The following ANTXR2 variants were observed in gnomAD, a reference collection of about 807,000 sequenced individuals.
ANTXR2 encodes ANTXR cell adhesion molecule 2.
ANTXR2 carries 44 observed loss-of-function variants against 73.7 expected under a neutral mutation model. That is an observed-to-expected ratio of 0.60 (90% CI 0.47 to 0.77). ANTXR2 has a LOEUF of 0.77. Among genes scored for constraint, ANTXR2 ranks in the 30% least tolerant of loss-of-function variants. The pLI is 0.00. For synonymous variants in ANTXR2, 217 were observed against 205.9 expected (o/e 1.05, Z -0.46); for missense variants, 604 against 592.5 (o/e 1.02, Z -0.20).
intron 7 of ANTXR2, among the ~76,000 whole-genome samples, chr4:80,038,273 CATA>C (rs1165153844): frequency 3.3e-5 from 5 of 152,202 alleles, no homozygotes; most frequent in Admixed American, 1.3e-4. Flanking sequence ...AATCAGATTT[CATA>C]ATATTTAAGA....
intron 7 of ANTXR2, among the ~76,000 whole-genome samples, chr4:80,042,669 A>C (rs1050268502): frequency 6.6e-6 from 1 of 152,096 alleles, no homozygotes; most frequent in African/African-American, 2.4e-5. Flanking sequence ...AATTGATAAT[A>C]TTGTAAACTC....
rs1726908001 is a variant in ANTXR2 at position 79,906,338 on chromosome 4, A to G, written c.*1091T>C. ...TGCGCATACAGTAATAGGTCATTCA[A>G]TGTCAAAAGGCATAAAAAAGATGAG... On this transcript the variant is annotated 3_prime_UTR_variant, in exon 17 of 17. Transcript: ENST00000403729. 2 of 152,690 alleles carry G rather than the reference A, an allele frequency of 1.3e-5. No homozygotes were observed. The highest frequency in any genetic ancestry group is 6.5e-5 in the Admixed American group (1 of 15,278). The allele number at this position is 152,690 out of a possible 1,614,324, so 9.5% of individuals were successfully genotyped here.
At chr4:79,927,927 G>A (rs1480966324) in intron 16 of ANTXR2, among the ~76,000 whole-genome samples, 1 of 152,170 alleles carries the variant, frequency 6.6e-6, no homozygotes, top group Non-Finnish European at 1.5e-5. Flanking sequence ...GTAAAATGGT[G>A]TAGCCATTGT....
intron 7 of ANTXR2, among the ~76,000 whole-genome samples, chr4:80,047,053 A>C (rs963609562): frequency 1.6e-4 from 25 of 151,780 alleles, no homozygotes; most frequent in African/African-American, 5.6e-4. Flanking sequence ...CAACAGGTTA[A>C]TGTTAAGAAA....
Position 79,966,402 on chromosome 4 carries a change from G to A in ANTXR2, c.1428+11219C>T, listed in dbSNP as rs10033596. 4.6e-5 allele frequency among the ~76,000 whole-genome samples: 7 copies of A among 152,106 alleles called. No individual in the cohort carries two copies. The East Asian group carries it at 9.7e-4, about 21-fold the overall frequency. ...AACTAACCACAGTAAGTAGAAGGTAGTGGTGAGCTATGGATGTCTTCTCGT... is the reference window on the plus strand; with the variant it reads ...AACTAACCACAGTAAGTAGAAGGTAATGGTGAGCTATGGATGTCTTCTCGT... On this transcript the variant is annotated intron_variant, in intron 16 of 16. Transcript: ENST00000403729.
At chr4:80,021,504 A>G (rs920734613) in intron 10 of ANTXR2, among the ~76,000 whole-genome samples, 2 of 152,158 alleles carry the variant, frequency 1.3e-5, no homozygotes, top group African/African-American at 4.8e-5. Flanking sequence ...TTACTGATTC[A>G]ACTTTAAGGG....
At chr4:79,997,112 T>C (rs1420741872) in intron 12 of ANTXR2, among the ~76,000 whole-genome samples, 1 of 151,950 alleles carries the variant, frequency 6.6e-6, no homozygotes, top group African/African-American at 2.4e-5. Context: ...TTTGATCTGC[T>C]CATTAACACT....
intron 16 of ANTXR2, among the ~76,000 whole-genome samples, chr4:79,909,546 ACT>A (rs34092592): frequency 0.48 from 72,882 of 151,352 alleles, 17,778 homozygotes; most frequent in Non-Finnish European, 0.52. Context: ...AAGGAAGAAA[ACT>A]CTGCTGATTT....
intron 16 of ANTXR2, among the ~76,000 whole-genome samples, chr4:79,923,855 T>G (rs991389246): frequency 6.6e-6 from 1 of 152,162 alleles, no homozygotes; most frequent in African/African-American, 2.4e-5. Context: ...GCGCTGTCTC[T>G]ATGTGTGTTG....
chr4:80,043,331 T>C (rs1733365447), intron 7 of ANTXR2, among the ~76,000 whole-genome samples: 1 of 152,052 alleles, frequency 6.6e-6, no homozygotes, highest in Admixed American at 6.6e-5. Flanking sequence ...TAACAGTCAC[T>C]ATCCTTTCTC....
chr4:79,972,784 G>C (rs1255186088), intron 16 of ANTXR2, among the ~76,000 whole-genome samples: 1 of 14,120 alleles, frequency 7.1e-5, no homozygotes, highest in South Asian at 4.1e-3. Flanking sequence ...GTCGGGGGAG[G>C]GGGGAGGGAT....
intron 10 of ANTXR2, among the ~76,000 whole-genome samples, chr4:80,030,013 A>C (rs1464378171): frequency 1.3e-5 from 2 of 151,998 alleles, no homozygotes; most frequent in Non-Finnish European, 2.9e-5. Context: ...GATGACATAA[A>C]ATAATCTGTT....
intron 16 of ANTXR2, among the ~76,000 whole-genome samples, chr4:79,950,536 T>C (rs532929641): frequency 6.6e-6 from 1 of 152,272 alleles, no homozygotes; most frequent in African/African-American, 2.4e-5. Context: ...ATTCCAATAC[T>C]TCAGTTTTTG....
At chr4:80,061,894 T>C (rs1418262428) in intron 3 of ANTXR2, among the ~76,000 whole-genome samples, 1 of 152,198 alleles carries the variant, frequency 6.6e-6, no homozygotes, top group Non-Finnish European at 1.5e-5. Flanking sequence ...ACTGTGTTAC[T>C]ATATACTACT....
intron 12 of ANTXR2, among the ~76,000 whole-genome samples, chr4:80,006,407 C>A (rs1560978156): frequency 6.6e-6 from 1 of 151,862 alleles, no homozygotes; most frequent in Non-Finnish European, 1.5e-5. Context: ...CGTTTGCTAT[C>A]ATTCACTTAT....
intron 7 of ANTXR2, among the ~76,000 whole-genome samples, chr4:80,038,278 T>C (rs1054608238): frequency 2.6e-4 from 39 of 152,178 alleles, no homozygotes; most frequent in African/African-American, 8.4e-4. Flanking sequence ...GATTTCATAA[T>C]ATTTAAGATA....
At chr4:79,992,923 C>T (rs1730540628) in intron 12 of ANTXR2, among the ~76,000 whole-genome samples, 1 of 152,036 alleles carries the variant, frequency 6.6e-6, no homozygotes, top group Non-Finnish European at 1.5e-5. Flanking sequence ...ATGCCCAATA[C>T]ATTCTTTGAA....
intron 16 of ANTXR2, among the ~76,000 whole-genome samples, chr4:79,944,273 AAAATTT>A (rs1728433387): frequency 1.2e-5 from 1 of 86,036 alleles, no homozygotes; most frequent in South Asian, 4.7e-4. Flanking sequence ...CCCCTACAGA[AAAATTT>A]AAATAATGCT....
chr4:79,964,695 A>C (rs1187350141), intron 16 of ANTXR2: 4 of 152,226 alleles, frequency 2.6e-5, no homozygotes, highest in African/African-American at 9.7e-5. Flanking sequence ...AGGCAGCGAG[A>C]GTGAGACCAA....
Sources: gnomAD v4.1 joint callset for allele counts (sites outside exome capture counted in the v4.1 genomes callset) on GRCh38, gnomAD v4.1.1 for gene constraint, MANE v1.5 for transcripts, NCBI Gene and HGNC (gene_info 2026-07-23, HGNC 2026-07-21) for gene names.